IGLL5: variants seen among roughly 807,000 people sequenced by gnomAD.
The protein encoded by IGLL5 is immunoglobulin lambda like polypeptide 5, also known as immunoglobulin lambda-like polypeptide 5.
Under a neutral mutation model 20.9 loss-of-function variants are expected in IGLL5, and 30 were observed. The observed-to-expected ratio is 1.44, with a 90% CI of 1.07 to 1.95. IGLL5 has a LOEUF of 1.95. IGLL5 is among the 30% of genes most tolerant of loss of function. The pLI, the probability that IGLL5 is intolerant of heterozygous loss-of-function variation, is 0.00. For synonymous variants in IGLL5, 203 were observed against 117.3 expected, an observed-to-expected ratio of 1.73 and a Z score of -4.72; for missense variants, 475 against 270.7, an observed-to-expected ratio of 1.75 and a Z score of -5.30.
chr22:22,893,816 T>C lies in IGLL5; in HGVS notation c.323T>C (p.Leu108Pro), dbSNP rs747275822. 2.1e-5 allele frequency: 33 copies of C among 1,600,476 alleles called. No individual in the cohort carries two copies. The highest frequency in any genetic ancestry group is 2.4e-5 in the Non-Finnish European group (28 of 1,168,372). The change falls in exon 2 of 3, where the codon CTA becomes CCA. Residue 108 changes from leucine (L) to proline (P), a missense_variant and splice_region_variant. Coordinates refer to ENST00000526893, the MANE Select transcript of IGLL5 (RefSeq NM_001178126.2). ...VFGTGTKVTV[L>P]GQPKANPTVT... ...GGAACTGGGACCAAGGTCACCGTCCTAGGTAAGTGGCTCTCAACCTTTCCC... is the reference window on the plus strand; with the variant it reads ...GGAACTGGGACCAAGGTCACCGTCCCAGGTAAGTGGCTCTCAACCTTTCCC...
intron 2 of IGLL5, 98 bp from the exon 3 acceptor site, chr22:22,895,277 C>A: frequency 8.7e-7 from 1 of 1,154,724 alleles, no homozygotes; most frequent in Non-Finnish European, 1.3e-6. Flanking sequence ...CGGATGGCCA[C>A]ACTGTGAACC....
In IGLL5 at chr22:22,893,721, C is replaced by T; in HGVS notation, c.228C>T (p.Pro76=). Residue 76 remains proline (P), a synonymous_variant, in exon 2 of 3, where the codon CCC becomes CCT. Transcript: ENST00000526893. The part of the protein sequence containing the change: ...LWGRLLLQPS[P]QRADPRCWPR... Reference sequence around the variant, plus strand: ...GCAGGCTCCTGCTCCAGCCCAGCCCCCAGAGAGCAGACCCCAGGTGCTGGC... The same window carrying T: ...GCAGGCTCCTGCTCCAGCCCAGCCCTCAGAGAGCAGACCCCAGGTGCTGGC... 1.9e-6 allele frequency: 3 copies of T among 1,608,142 alleles called. No individual in the cohort carries two copies. In the South Asian group the frequency reaches 3.3e-5, roughly 18 times the overall value.
chr22:22,895,167 G>T (rs2066729256), intron 2 of IGLL5, among the ~76,000 whole-genome samples: 1 of 151,338 alleles, frequency 6.6e-6, no homozygotes, highest in Admixed American at 6.6e-5. Context: ...CCTGTGAAAG[G>T]TGACTTGGGA....
At chr22:22,889,393 A>C (rs1423785963) in intron 1 of IGLL5, among the ~76,000 whole-genome samples, 2 of 151,168 alleles carry the variant, frequency 1.3e-5, no homozygotes, top group Admixed American at 6.6e-5. Flanking sequence ...TCAAAAAACA[A>C]AGTGTGTTTA....
At chr22:22,890,376 A>C (rs534474516) in intron 1 of IGLL5, among the ~76,000 whole-genome samples, 2 of 148,072 alleles carry the variant, frequency 1.4e-5, no homozygotes, top group East Asian at 2.1e-4. Flanking sequence ...TTGCAAAAGT[A>C]AGAGCCATAT....
intron 1 of IGLL5, among the ~76,000 whole-genome samples, chr22:22,888,748 C>G (rs1201031627): frequency 6.6e-6 from 1 of 151,398 alleles, no homozygotes. Flanking sequence ...CCAACTTGCA[C>G]ATAAATGCTT....
chr22:22,890,082 T>A (rs571867103), intron 1 of IGLL5, among the ~76,000 whole-genome samples: 1 of 150,378 alleles, frequency 6.6e-6, no homozygotes, highest in African/African-American at 2.4e-5. Flanking sequence ...AATACAACAG[T>A]AATGTACTCA....
intron 1 of IGLL5, among the ~76,000 whole-genome samples, chr22:22,888,995 G>A (rs2067674109): frequency 1.3e-5 from 2 of 151,420 alleles, no homozygotes; most frequent in South Asian, 2.1e-4. Flanking sequence ...GAGCTCCTGG[G>A]TGACTGGGAA....
At chr22:22,894,411 G>T (rs755947800) in intron 2 of IGLL5, among the ~76,000 whole-genome samples, 4 of 151,454 alleles carry the variant, frequency 2.6e-5, no homozygotes, top group Middle Eastern at 3.8e-3. Context: ...GGACACAGAG[G>T]GACGGGTGAG....
intron 2 of IGLL5, among the ~76,000 whole-genome samples, chr22:22,894,502 T>A (rs1601626897): frequency 1.3e-5 from 2 of 151,512 alleles, no homozygotes; most frequent in Admixed American, 6.6e-5. Context: ...GATGTGTCTG[T>A]CCCTGGAGCC....
At position 22,888,018 on chromosome 22, in the gene IGLL5, A is replaced by C. The variant is rs1273604607; in HGVS notation, c.-36A>C. The C allele has an allele frequency of 1.3e-6, 2 of 1,519,880 alleles. No individual in the cohort carries two copies. The highest frequency in any genetic ancestry group is 2.0e-5 in the Admixed American group (1 of 50,758). The allele number at this position is 1,519,880 out of a possible 1,614,324, so 94.1% of individuals were successfully genotyped here. ...CCGTCCTCCAGGGAGCCCATGCTGC[A>C]AGTCGGGCCAGAGGTGCCCCTGAAC... is the stretch of plus-strand genomic sequence containing the variant. On this transcript the variant is annotated 5_prime_UTR_variant, in exon 1 of 3. Coordinates refer to ENST00000526893, the MANE Select transcript of IGLL5 (RefSeq NM_001178126.2).
In IGLL5 at chr22:22,895,796, C is replaced by T; in HGVS notation, c.*102C>T. 1 of 1,027,500 alleles carries T rather than the reference C, an allele frequency of 9.7e-7. No individual in the cohort carries two copies. Among genetic ancestry groups the T allele is most frequent in the Non-Finnish European group, 1.5e-6 (1 of 658,254 alleles). The allele number at this position is 1,027,500 out of a possible 1,614,324, so 63.6% of individuals were successfully genotyped here. On this transcript the variant is annotated 3_prime_UTR_variant, in exon 3 of 3. Transcript: ENST00000526893. ...GTCATCCAGCCCTTCTCCCTGCACTCATGAAACCCCAATAAATATCCTCAT... is the reference window on the plus strand; with the variant it reads ...GTCATCCAGCCCTTCTCCCTGCACTTATGAAACCCCAATAAATATCCTCAT...
chr22:22,888,459 A>G (rs887766719), intron 1 of IGLL5, among the ~76,000 whole-genome samples, 200 bp downstream of exon 1: 6 of 151,364 alleles, frequency 4.0e-5, no homozygotes, highest in South Asian at 4.2e-4. Flanking sequence ...TCATATTACG[A>G]TATTATTTTT....
chr22:22,888,994 G>A (rs544411181), intron 1 of IGLL5, among the ~76,000 whole-genome samples: 1 of 151,396 alleles, frequency 6.6e-6, no homozygotes, highest in Admixed American at 6.6e-5. Context: ...GGAGCTCCTG[G>A]GTGACTGGGA....
intron 1 of IGLL5, among the ~76,000 whole-genome samples, chr22:22,890,824 G>A (rs1383646027): frequency 6.6e-6 from 1 of 150,956 alleles, no homozygotes; most frequent in Non-Finnish European, 1.5e-5. Flanking sequence ...AAAATTGAAT[G>A]TGTTTATGGT....
chr22:22,889,051 G>A (rs2067680165), intron 1 of IGLL5, among the ~76,000 whole-genome samples: 1 of 151,424 alleles, frequency 6.6e-6, no homozygotes, highest in Non-Finnish European at 1.5e-5. Context: ...TCCCAGTCCA[G>A]GACGAGTCCT....
intron 1 of IGLL5, among the ~76,000 whole-genome samples, chr22:22,889,510 A>C (rs191270710): frequency 1.3e-5 from 2 of 151,250 alleles, no homozygotes; most frequent in Admixed American, 6.6e-5. Context: ...GCTCAGCATT[A>C]TTAGTGATGG....
chr22:22,889,070 T>C (rs570419768), intron 1 of IGLL5, among the ~76,000 whole-genome samples: 3 of 151,156 alleles, frequency 2.0e-5, no homozygotes, highest in African/African-American at 4.8e-5. Context: ...CTTGGATGGA[T>C]TTAGGTAGAT....
intron 2 of IGLL5, among the ~76,000 whole-genome samples, chr22:22,894,025 G>T (rs1170644298): frequency 2.0e-5 from 3 of 149,834 alleles, no homozygotes; most frequent in Admixed American, 6.6e-5. Context: ...GATGCAGCCT[G>T]GTCCCGGGGC....
Sources: gnomAD v4.1 joint callset for allele counts (sites outside exome capture counted in the v4.1 genomes callset) on GRCh38, gnomAD v4.1.1 for gene constraint, MANE v1.5 for transcripts, NCBI Gene and HGNC (gene_info 2026-07-23, HGNC 2026-07-21) for gene names.